Variants in PRKAG2 observed in about 807,000 individuals in gnomAD.
The protein encoded by PRKAG2 is 5'-AMP-activated protein kinase subunit gamma-2.
A neutral mutation model predicts 69.6 loss-of-function variants in PRKAG2; 26 were observed. The ratio of observed to expected loss-of-function variants is 0.37; its 90% confidence interval spans 0.27 to 0.52. The LOEUF (loss-of-function observed/expected upper bound fraction) is 0.52. Ranked by LOEUF, PRKAG2 falls within the 20% of genes least tolerant of loss-of-function variation. The probability of loss-of-function intolerance (pLI) is 0.90; values close to 1 mark genes in which losing one functional copy is unlikely to be tolerated. For missense variants in PRKAG2, 557 were observed against 740.0 expected, an observed-to-expected ratio of 0.75 and a Z score of 2.87; for synonymous variants, 293 against 285.0, an observed-to-expected ratio of 1.03 and a Z score of -0.28.
chr7:151,855,175 C>G (rs878892210), intron 1 of PRKAG2, among the ~76,000 whole-genome samples: 2 of 98,082 alleles, frequency 2.0e-5, no homozygotes, highest in Admixed American at 2.0e-4. Flanking sequence ...CACACACCAC[C>G]CTCCACACAC....
At chr7:151,802,790 C>T (rs571333608) in intron 1 of PRKAG2, among the ~76,000 whole-genome samples, 363 of 150,622 alleles carry the variant, frequency 2.4e-3, no homozygotes, top group Non-Finnish European at 4.2e-3. Context: ...TCTCCCACAC[C>T]GCTCTTCTGC....
At chr7:151,730,032 G>GGA (rs755808105) in intron 3 of PRKAG2, among the ~76,000 whole-genome samples, 5 of 152,194 alleles carry the variant, frequency 3.3e-5, no homozygotes, top group African/African-American at 4.8e-5. Context: ...AGGGGAGTGG[G>GGA]GAGTTAGGGC....
intron 3 of PRKAG2, among the ~76,000 whole-genome samples, chr7:151,712,419 C>T (rs77219143): frequency 0.037 from 5,660 of 152,314 alleles, 366 homozygotes; most frequent in African/African-American, 0.13. Flanking sequence ...ACTCAGGACC[C>T]ACGAGACTGC....
At chr7:151,734,493 C>A (rs1799445649) in intron 3 of PRKAG2, among the ~76,000 whole-genome samples, 2 of 152,202 alleles carry the variant, frequency 1.3e-5, no homozygotes, top group South Asian at 4.1e-4. Context: ...TTCCATCTTG[C>A]AGTGGGCTCT....
At chr7:151,866,019 CAAAAAAAAAAAAA>C (rs61697386) in intron 1 of PRKAG2, among the ~76,000 whole-genome samples, 1 of 95,742 alleles carries the variant, frequency 1.0e-5, no homozygotes. Context: ...GACTCTGTCT[CAAAAAAAAAAAAA>C]AAAGAAAAAG....
chr7:151,624,335 G>C (rs918531387), intron 5 of PRKAG2, among the ~76,000 whole-genome samples: 1 of 151,852 alleles, frequency 6.6e-6, no homozygotes, highest in Non-Finnish European at 1.5e-5. Context: ...TATTTTTATA[G>C]AGAGAGGGTT....
intron 4 of PRKAG2, among the ~76,000 whole-genome samples, chr7:151,639,070 T>C (rs182125388): frequency 6.6e-6 from 1 of 152,316 alleles, no homozygotes; most frequent in African/African-American, 2.4e-5. Flanking sequence ...AACCCACCAC[T>C]GTGCCTGACA....
chr7:151,697,573 A>G (rs1417418402), intron 3 of PRKAG2, among the ~76,000 whole-genome samples: 3 of 152,226 alleles, frequency 2.0e-5, no homozygotes, highest in Non-Finnish European at 4.4e-5. Flanking sequence ...ATGATGCCCA[A>G]CCCTCATAAG....
At chr7:151,870,600 C>T (rs776242363) in intron 1 of PRKAG2, among the ~76,000 whole-genome samples, 1 of 152,212 alleles carries the variant, frequency 6.6e-6, no homozygotes, top group African/African-American at 2.4e-5. Context: ...GTGAGGGGCA[C>T]AAAGCACTGT....
At position 151,719,703 on chromosome 7, in the gene PRKAG2, G is replaced by A. The variant is rs1014379424; in HGVS notation, c.467-44066C>T. ...CCCGCCCACAGCACCACTGTCTTGC[G>A]ATGGGCACTGTCACTCCCACCTGGC... On this transcript the variant is annotated intron_variant, in intron 3 of 15. Coordinates refer to ENST00000287878, the MANE Select transcript of PRKAG2 (RefSeq NM_016203.4). The surrounding 1 kb of genome is among the most constrained non-coding windows in gnomAD (Gnocchi z 5.2). Among the ~76,000 whole-genome samples, 2 of 152,130 alleles carry A rather than the reference G, an allele frequency of 1.3e-5. No homozygotes were observed. Among genetic ancestry groups the A allele is most frequent in the Non-Finnish European group, 2.9e-5 (2 of 68,034 alleles).
intron 9 of PRKAG2, among the ~76,000 whole-genome samples, chr7:151,570,838 G>A (rs1302323016): frequency 6.6e-6 from 1 of 152,116 alleles, no homozygotes; most frequent in Non-Finnish European, 1.5e-5. Flanking sequence ...CATGATCTGG[G>A]TTCACTGCAA....
chr7:151,701,480 G>A (rs970774747), intron 3 of PRKAG2, among the ~76,000 whole-genome samples: 5 of 152,156 alleles, frequency 3.3e-5, no homozygotes, highest in Non-Finnish European at 5.9e-5. Context: ...TAAGGAGGAG[G>A]AAACGTGGAC....
At chr7:151,843,762 G>T (rs1362011214) in intron 1 of PRKAG2, among the ~76,000 whole-genome samples, 3 of 152,212 alleles carry the variant, frequency 2.0e-5, no homozygotes, top group Non-Finnish European at 2.9e-5. Flanking sequence ...CTCAAAGCAG[G>T]AAGACTTGGA....
chr7:151,709,300 CAT>C (rs1839153585), intron 3 of PRKAG2, among the ~76,000 whole-genome samples: 1 of 86,132 alleles, frequency 1.2e-5, no homozygotes, highest in Non-Finnish European at 2.1e-5. Context: ...TACTGTATGA[CAT>C]TGACACTGAC....
At chr7:151,621,585 G>A (rs75191458) in intron 5 of PRKAG2, among the ~76,000 whole-genome samples, 3,486 of 152,144 alleles carry the variant, frequency 0.023, 132 homozygotes, top group African/African-American at 0.079. Context: ...TCACAGGTTC[G>A]CCAATTTAAA....
chr7:151,806,282 C>T (rs1468215638), intron 1 of PRKAG2, among the ~76,000 whole-genome samples: 1 of 152,166 alleles, frequency 6.6e-6, no homozygotes, highest in African/African-American at 2.4e-5. Flanking sequence ...TCCTAAATTG[C>T]TCAAGGGCTA....
chr7:151,788,380 C>T lies in PRKAG2; in HGVS notation c.115-1839G>A, dbSNP rs1393689549. On this transcript the variant is annotated intron_variant, in intron 1 of 15. Transcript: ENST00000287878. This position sits in a 1 kb window ranked among gnomAD's most constrained non-coding sequence, Gnocchi z 4.6. The stretch of plus-strand genomic sequence containing the variant: ...GTGATGTTGAATATCTTTTCATCTG[C>T]TTATCGGCCACTTGTCTATCATCTT... 6.6e-6 allele frequency among the ~76,000 whole-genome samples: 1 copy of T among 152,220 alleles called. No homozygotes were observed. The highest frequency in any genetic ancestry group is 1.5e-5 in the Non-Finnish European group (1 of 68,036).
chr7:151,719,064 G>C lies in PRKAG2; in HGVS notation c.467-43427C>G, dbSNP rs548209862. ...TCATTAAGCCCCTGATAAGTACAAG[G>C]CCCCGAACTCAGGGAAATGGAGGGG... On this transcript the variant is annotated intron_variant, in intron 3 of 15. Coordinates refer to ENST00000287878, the MANE Select transcript of PRKAG2 (RefSeq NM_016203.4). This position sits in a 1 kb window ranked among gnomAD's most constrained non-coding sequence, Gnocchi z 5.2. 2.0e-5 allele frequency among the ~76,000 whole-genome samples: 3 copies of C among 152,152 alleles called. No homozygotes were observed. The highest frequency in any genetic ancestry group is 4.4e-5 in the Non-Finnish European group (3 of 68,032).
At chr7:151,730,947 G>A (rs1798833811) in intron 3 of PRKAG2, among the ~76,000 whole-genome samples, 1 of 152,142 alleles carries the variant, frequency 6.6e-6, no homozygotes, top group Non-Finnish European at 1.5e-5. Flanking sequence ...CGGTCTTACT[G>A]GGACCCTGGG....
Sources: allele counts gnomAD v4.1 joint callset (sites outside exome capture counted in the v4.1 genomes callset), GRCh38; gene constraint gnomAD v4.1.1; non-coding constraint Gnocchi (gnomAD v3.1); transcripts MANE v1.5; gene names NCBI Gene and HGNC (gene_info 2026-07-23, HGNC 2026-07-21).